PLB1: variants seen among roughly 807,000 people sequenced by gnomAD.
PLB1 encodes the protein phospholipase B1.
A neutral mutation model predicts 227.4 loss-of-function variants in PLB1; 242 were observed. The observed-to-expected ratio is 1.06, with a 90% CI of 0.96 to 1.18. The LOEUF is 1.18. Among genes scored for constraint, PLB1 ranks in the 50% most tolerant of loss-of-function variants. PLB1 has a pLI of 0.00. For missense variants in PLB1, 1,858 were observed against 1,816.3 expected (o/e 1.02, Z -0.42); for synonymous variants, 757 against 682.2 (o/e 1.11, Z -1.71).
intron 8 of PLB1, among the ~76,000 whole-genome samples, chr2:28,530,606 C>T (rs560333413): frequency 7.2e-5 from 11 of 152,314 alleles, no homozygotes; most frequent in Admixed American, 6.5e-4. Context: ...ACTATTTACT[C>T]GATAACCTAT....
At chr2:28,568,322 T>C (rs1373957927) in intron 20 of PLB1, among the ~76,000 whole-genome samples, 1 of 152,194 alleles carries the variant, frequency 6.6e-6, no homozygotes, top group East Asian at 1.9e-4. Flanking sequence ...GACAAGATAA[T>C]TGGATAATAT....
chr2:28,576,582 T>A (rs1019048182), intron 21 of PLB1, among the ~76,000 whole-genome samples: 1 of 152,032 alleles, frequency 6.6e-6, no homozygotes, highest in African/African-American at 2.4e-5. Flanking sequence ...ATACAACAAT[T>A]AGCCGGGTGT....
At chr2:28,569,213 A>G (rs142729418) in intron 20 of PLB1, among the ~76,000 whole-genome samples, 3 of 139,184 alleles carry the variant, frequency 2.2e-5, no homozygotes, top group South Asian at 2.5e-4. Context: ...AGCGGGGGCA[A>G]GTGTCCTTGT....
At chr2:28,599,740 C>G (rs558947332) in intron 35 of PLB1, among the ~76,000 whole-genome samples, 28 of 152,272 alleles carry the variant, frequency 1.8e-4, no homozygotes, top group African/African-American at 5.1e-4. Context: ...CCTCAGCCTC[C>G]GAGTAGCTGG....
chr2:28,581,456 A>G (rs1679925052), intron 23 of PLB1, among the ~76,000 whole-genome samples: 1 of 149,960 alleles, frequency 6.7e-6, no homozygotes, highest in Non-Finnish European at 1.5e-5. Flanking sequence ...CAGTTAGTGG[A>G]TATGGAGTAG....
intron 3 of PLB1, among the ~76,000 whole-genome samples, chr2:28,518,918 C>T (rs1324886207): frequency 6.6e-6 from 1 of 152,160 alleles, no homozygotes; most frequent in Non-Finnish European, 1.5e-5. Context: ...GCCTTCTTCC[C>T]TGACTTTATC....
At chr2:28,511,101 A>ACCACTTGATAAGGGGAAAATCTTGGC (rs1228622468) in intron 1 of PLB1, among the ~76,000 whole-genome samples, 1 of 152,172 alleles carries the variant, frequency 6.6e-6, no homozygotes, top group Non-Finnish European at 1.5e-5. Flanking sequence ...CAGTACTTTT[A>ACCACTTGATAAGGGGAAAATCTTGGC]CCACTTGATA....
At chr2:28,544,067 C>T (rs986457312) in intron 14 of PLB1, among the ~76,000 whole-genome samples, 1 of 152,208 alleles carries the variant, frequency 6.6e-6, no homozygotes, top group Non-Finnish European at 1.5e-5. Context: ...TTTGTGGATC[C>T]GTCTCCACAA....
At chr2:28,533,263 C>G (rs1671258992) in intron 9 of PLB1, among the ~76,000 whole-genome samples, 2 of 152,196 alleles carry the variant, frequency 1.3e-5, no homozygotes, top group Non-Finnish European at 2.9e-5. Context: ...ATCCACCTTC[C>G]TGACTAGCTC....
chr2:28,501,688 T>C (rs2075250541), intron 1 of PLB1, among the ~76,000 whole-genome samples: 1 of 152,156 alleles, frequency 6.6e-6, no homozygotes, highest in South Asian at 2.1e-4. Flanking sequence ...TTTGAGAAAA[T>C]ATATTCTTAT....
At chr2:28,518,408 AC>A (rs2148177384) in intron 2 of PLB1, 57 bp from the exon 3 acceptor site, 2 of 1,314,392 alleles carry the variant, frequency 1.5e-6, no homozygotes, top group South Asian at 2.4e-5. Context: ...AGTTTTCAGG[AC>A]CTGCAATATT....
At chr2:28,545,101 C>A (rs959144157) in intron 14 of PLB1, among the ~76,000 whole-genome samples, 2 of 152,170 alleles carry the variant, frequency 1.3e-5, no homozygotes, top group African/African-American at 4.8e-5. Context: ...TCAGAATGAG[C>A]ACGTACACAG....
chr2:28,635,148 AAAAAC>A (rs1689147174), intron 56 of PLB1, among the ~76,000 whole-genome samples: 1 of 152,216 alleles, frequency 6.6e-6, no homozygotes, highest in South Asian at 2.1e-4. Flanking sequence ...TCAAAATAAC[AAAAAC>A]AAAACTAAAG....
At chr2:28,600,949 T>C (rs181122503) in intron 36 of PLB1, 89 bp downstream of exon 36, 2 of 1,205,748 alleles carry the variant, frequency 1.7e-6, no homozygotes, top group African/African-American at 3.0e-5. Flanking sequence ...TGAAAAGCAG[T>C]GAGCCCCATG....
At chr2:28,549,072 A>G in intron 15 of PLB1, 141 bp downstream of exon 15, 1 of 735,654 alleles carries the variant, frequency 1.4e-6, no homozygotes, top group Non-Finnish European at 2.3e-6. Flanking sequence ...ACAGTTTTGC[A>G]TACATAGCAG....
At chr2:28,567,169 T>G (rs1203189389) in intron 20 of PLB1, among the ~76,000 whole-genome samples, 1 of 152,006 alleles carries the variant, frequency 6.6e-6, no homozygotes, top group East Asian at 1.9e-4. Flanking sequence ...GATTCAATAA[T>G]CTGGCATGAG....
intron 1 of PLB1, among the ~76,000 whole-genome samples, chr2:28,515,498 C>T (rs999619441): frequency 1.5e-4 from 23 of 152,316 alleles, no homozygotes; most frequent in African/African-American, 5.1e-4. Flanking sequence ...TCAAAGGAAT[C>T]GCTGCGATCT....
rs763376917 is a variant in PLB1, at chr2:28,620,307, A to G, written c.3358A>G (p.Thr1120Ala). 1 of 1,605,480 alleles carries G rather than the reference A, an allele frequency of 6.2e-7. No homozygotes were observed. Among genetic ancestry groups the G allele is most frequent in the Non-Finnish European group, 8.5e-7 (1 of 1,175,714 alleles). The change falls in exon 47 of 58, where the codon ACA (threonine) becomes GCA (alanine). Residue 1120 changes from threonine to alanine, a missense_variant. Thr to Ala is a moderately conservative substitution (Grantham distance 58). Transcript: ENST00000327757. ...ACCAAACAACTCCAGTGACCTACCCACATCTTGGAGGGGACTCTCTTGGAG... is the reference window on the plus strand; with the variant it reads ...ACCAAACAACTCCAGTGACCTACCCGCATCTTGGAGGGGACTCTCTTGGAG... ...ARPNNSSDLP[T>A]SWRGLSWSIG...
At chr2:28,556,696 A>T (rs1675185776) in intron 17 of PLB1, among the ~76,000 whole-genome samples, 1 of 152,218 alleles carries the variant, frequency 6.6e-6, no homozygotes, top group African/African-American at 2.4e-5. Context: ...CACAGGGGAC[A>T]TGGCTTATTG....
Sources: allele counts gnomAD v4.1 joint callset (sites outside exome capture counted in the v4.1 genomes callset), GRCh38; gene constraint gnomAD v4.1.1; transcripts MANE v1.5; gene names NCBI Gene and HGNC (gene_info 2026-07-23, HGNC 2026-07-21).